The following TMEM163 variants were observed in gnomAD, a reference collection of about 807,000 sequenced individuals.
The protein encoded by TMEM163 is transmembrane protein 163.
A neutral mutation model predicts 29.3 loss-of-function variants in TMEM163; 17 were observed. The observed-to-expected ratio is 0.58, with a 90% CI of 0.40 to 0.87. The LOEUF (loss-of-function observed/expected upper bound fraction) is 0.87, where lower values mean the gene tolerates loss of function less well. Among genes scored for constraint, TMEM163 ranks in the 40% least tolerant of loss-of-function variants. The probability of loss-of-function intolerance (pLI) is 0.00; values close to 1 mark genes in which losing one functional copy is unlikely to be tolerated. For synonymous variants in TMEM163, 157 were observed against 160.6 expected, an observed-to-expected ratio of 0.98 and a Z score of 0.17; for missense variants, 303 against 381.5, an observed-to-expected ratio of 0.79 and a Z score of 1.71.
At chr2:134,502,122 G>T (rs954947923) in intron 5 of TMEM163, among the ~76,000 whole-genome samples, 1 of 152,058 alleles carries the variant, frequency 6.6e-6, no homozygotes, top group Non-Finnish European at 1.5e-5. Flanking sequence ...AAAATTAAAG[G>T]TCTAATCATT....
At chr2:134,499,663 C>T (rs1024320132) in intron 5 of TMEM163, among the ~76,000 whole-genome samples, 1 of 152,202 alleles carries the variant, frequency 6.6e-6, no homozygotes, top group Non-Finnish European at 1.5e-5. Context: ...CTCTGAGAAC[C>T]GTGCAGCGAA....
At chr2:134,537,809 C>T (rs911936290) in intron 4 of TMEM163, among the ~76,000 whole-genome samples, 8 of 152,284 alleles carry the variant, frequency 5.3e-5, no homozygotes, top group African/African-American at 1.7e-4. Flanking sequence ...GTAGAACAAA[C>T]GTCAGTGAGG....
At chr2:134,686,182 C>T (rs1009395097) in intron 2 of TMEM163, among the ~76,000 whole-genome samples, 1 of 152,230 alleles carries the variant, frequency 6.6e-6, no homozygotes, top group Admixed American at 6.5e-5. Context: ...CCTCTACTCA[C>T]ATTTCACCTG....
intron 2 of TMEM163, among the ~76,000 whole-genome samples, chr2:134,668,942 G>A (rs902978801): frequency 8.5e-5 from 13 of 152,188 alleles, no homozygotes; most frequent in Middle Eastern, 6.8e-3. Context: ...CTCTCACACC[G>A]AGAGACTCAC....
chr2:134,713,633 T>G (rs532554905), intron 1 of TMEM163: 2 of 506,428 alleles, frequency 3.9e-6, no homozygotes, highest in Non-Finnish European at 7.7e-6. Flanking sequence ...TTTGCCCCTG[T>G]GTTATGTTGC....
chr2:134,508,260 G>T (rs989202579), intron 4 of TMEM163, among the ~76,000 whole-genome samples: 2 of 152,168 alleles, frequency 1.3e-5, no homozygotes, highest in African/African-American at 4.8e-5. Context: ...ATTTACGATA[G>T]ATCTAAACAT....
intron 2 of TMEM163, among the ~76,000 whole-genome samples, chr2:134,564,365 C>T (rs1023856920): frequency 1.3e-5 from 2 of 152,070 alleles, no homozygotes; most frequent in African/African-American, 4.8e-5. Context: ...CTACCTTACT[C>T]CATATAGAGA....
chr2:134,560,748 G>A (rs1271682172), intron 2 of TMEM163, among the ~76,000 whole-genome samples: 2 of 152,178 alleles, frequency 1.3e-5, no homozygotes, highest in South Asian at 4.1e-4. Flanking sequence ...CATGGACCAG[G>A]GCACCCTTGT....
intron 2 of TMEM163, among the ~76,000 whole-genome samples, chr2:134,684,680 C>T (rs1164627586): frequency 1.3e-5 from 2 of 152,046 alleles, no homozygotes; most frequent in South Asian, 2.1e-4. Context: ...AATACCAGAA[C>T]TTTGGGAGGC....
intron 2 of TMEM163, among the ~76,000 whole-genome samples, chr2:134,703,785 G>A (rs1684750528): frequency 6.6e-6 from 1 of 150,668 alleles, no homozygotes; most frequent in South Asian, 2.1e-4. Flanking sequence ...AAGAGAGAGG[G>A]ATGGAGAATG....
At chr2:134,614,077 T>C (rs1346519283) in intron 2 of TMEM163, among the ~76,000 whole-genome samples, 2 of 152,168 alleles carry the variant, frequency 1.3e-5, no homozygotes, top group Non-Finnish European at 2.9e-5. Context: ...TTAAGGCTTA[T>C]TATAGAGCTA....
intron 2 of TMEM163, among the ~76,000 whole-genome samples, chr2:134,708,489 A>G (rs1684864324): frequency 6.6e-6 from 1 of 152,060 alleles, no homozygotes; most frequent in Non-Finnish European, 1.5e-5. Flanking sequence ...CTCCACATCT[A>G]AAAAGAAAAT....
chr2:134,632,918 T>TC (rs909442113), intron 2 of TMEM163, among the ~76,000 whole-genome samples: 2 of 148,628 alleles, frequency 1.3e-5, no homozygotes, highest in African/African-American at 4.9e-5. Context: ...AATTTTTTTT[T>TC]TTTTTTTTTT....
chr2:134,498,072 A>G (rs1339879596), intron 5 of TMEM163, among the ~76,000 whole-genome samples: 2 of 152,202 alleles, frequency 1.3e-5, no homozygotes, highest in Non-Finnish European at 2.9e-5. Context: ...CTAACTGTTC[A>G]TTTGATCCTT....
intron 4 of TMEM163, among the ~76,000 whole-genome samples, chr2:134,538,911 G>A (rs1307107537): frequency 6.6e-6 from 1 of 152,144 alleles, no homozygotes; most frequent in African/African-American, 2.4e-5. Flanking sequence ...GAAATAGACT[G>A]TGGTGATGGA....
intron 2 of TMEM163, among the ~76,000 whole-genome samples, chr2:134,674,490 CG>C (rs2104869447): frequency 1.2e-5 from 1 of 80,604 alleles, no homozygotes. Context: ...ACTACAGGCG[CG>C]CGCGCGCGCG....
intron 2 of TMEM163, among the ~76,000 whole-genome samples, chr2:134,711,031 T>G (rs1684915079): frequency 6.6e-6 from 1 of 152,192 alleles, no homozygotes; most frequent in Admixed American, 6.5e-5. Flanking sequence ...TTTTTGACAC[T>G]TTACAAAAAC....
intron 5 of TMEM163, among the ~76,000 whole-genome samples, chr2:134,486,630 A>G (rs1364222243): frequency 6.6e-6 from 1 of 152,258 alleles, no homozygotes; most frequent in Admixed American, 6.5e-5. Flanking sequence ...TTCAAAAAGT[A>G]ACAGGCCCGG....
At chr2:134,659,085 G>A (rs1683688214) in intron 2 of TMEM163, among the ~76,000 whole-genome samples, 1 of 152,192 alleles carries the variant, frequency 6.6e-6, no homozygotes, top group South Asian at 2.1e-4. Flanking sequence ...TATGTGGTAT[G>A]GCCTACTGCT....
Sources: allele counts gnomAD v4.1 joint callset (sites outside exome capture counted in the v4.1 genomes callset), GRCh38; gene constraint gnomAD v4.1.1; transcripts MANE v1.5; gene names NCBI Gene and HGNC (gene_info 2026-07-23, HGNC 2026-07-21).